TMC2: variants seen among roughly 807,000 people sequenced by gnomAD.
TMC2 encodes transmembrane channel-like protein 2.
In TMC2, 102 loss-of-function variants were observed where a neutral mutation model predicts 105.9. The ratio of observed to expected loss-of-function variants is 0.96; its 90% CI spans 0.82 to 1.14. The LOEUF (loss-of-function observed/expected upper bound fraction) is 1.14. Among genes scored for constraint, TMC2 ranks in the 50% most tolerant of loss-of-function variants. The pLI is 0.00. For synonymous variants in TMC2, 402 were observed against 422.8 expected, an observed-to-expected ratio of 0.95 and a Z score of 0.60; for missense variants, 1,093 against 1,134.3, an observed-to-expected ratio of 0.96 and a Z score of 0.52.
At chr20:2,599,160 C>T (rs1322233896) in intron 10 of TMC2, among the ~76,000 whole-genome samples, 3 of 151,956 alleles carry the variant, frequency 2.0e-5, no homozygotes, top group African/African-American at 4.8e-5. Context: ...CCCAGCTACT[C>T]GGGAGGCTGA....
chr20:2,613,668 G>C (rs1169486774), intron 14 of TMC2: 3 of 332,268 alleles, frequency 9.0e-6, no homozygotes, highest in Non-Finnish European at 1.8e-5. Context: ...GCTGAAATCT[G>C]ACAGTGGAGG....
Position 2,612,195 on chromosome 20 carries a change from C to T in TMC2, c.1598C>T (p.Ala533Val), listed in dbSNP as rs199532232. 7.8e-5 allele frequency: 125 copies of T among 1,602,534 alleles called. No homozygotes were observed. In the Middle Eastern group the frequency reaches 8.3e-4, roughly 11 times the overall value. Reference protein sequence around the residue: ...ALMDDVHLKLANEETIKNITH... With the variant: ...ALMDDVHLKLVNEETIKNITH... The stretch of plus-strand genomic sequence containing the variant: ...CACCTCCATCTTCTGTTCTAGCTTG[C>T]TAATGAAGAGACAATAAAGAACATC... The change falls in exon 13 of 20, where the codon GCT becomes GTT. Residue 533 changes from alanine (A) to valine (V), a missense_variant. Ala to Val is a moderately conservative substitution (Grantham distance 64). Transcript: ENST00000358864.
chr20:2,538,915 C>T (rs1401019888), intron 2 of TMC2, among the ~76,000 whole-genome samples: 1 of 152,184 alleles, frequency 6.6e-6, no homozygotes, highest in Non-Finnish European at 1.5e-5. Context: ...TTATACTCTA[C>T]CAGGAGGGAA....
At chr20:2,562,387 T>A (rs996443526) in intron 4 of TMC2, among the ~76,000 whole-genome samples, 5 of 152,238 alleles carry the variant, frequency 3.3e-5, no homozygotes, top group Non-Finnish European at 7.3e-5. Flanking sequence ...TCTCTCATGT[T>A]CCTGGAGCAC....
chr20:2,566,836 A>G (rs1341220587), intron 4 of TMC2, among the ~76,000 whole-genome samples: 1 of 152,228 alleles, frequency 6.6e-6, no homozygotes, highest in Non-Finnish European at 1.5e-5. Flanking sequence ...CCAAAACTCC[A>G]ATGGAGGCAG....
chr20:2,638,526 G>C (rs988068467), intron 19 of TMC2, among the ~76,000 whole-genome samples: 1 of 151,756 alleles, frequency 6.6e-6, no homozygotes, highest in Non-Finnish European at 1.5e-5. Flanking sequence ...ACAGCCTCAG[G>C]CAGGTCCTTC....
chr20:2,549,470 T>C (rs1193018408), intron 2 of TMC2, among the ~76,000 whole-genome samples: 1 of 152,184 alleles, frequency 6.6e-6, no homozygotes, highest in Non-Finnish European at 1.5e-5. Flanking sequence ...CAGCCAGGCA[T>C]GGTTGCTTAC....
intron 17 of TMC2, among the ~76,000 whole-genome samples, chr20:2,632,461 A>C (rs1269056822): frequency 6.6e-6 from 1 of 152,154 alleles, no homozygotes; most frequent in Non-Finnish European, 1.5e-5. Flanking sequence ...TAACTGATTT[A>C]AAGTCTTTGT....
Position 2,562,802 on chromosome 20 carries a change from C to T in TMC2, c.554+792C>T, listed in dbSNP as rs151313024. ...CTCTACTAAAAAGACAAAAATTAGCCGGGGGTGGTTGCGGGCACCTGTAGT... is the reference window on the plus strand; with the variant it reads ...CTCTACTAAAAAGACAAAAATTAGCTGGGGGTGGTTGCGGGCACCTGTAGT... On this transcript the variant is annotated intron_variant, in intron 4 of 19. Coordinates refer to ENST00000358864, the MANE Select transcript of TMC2 (RefSeq NM_080751.3). Among the ~76,000 whole-genome samples the T allele has an allele frequency of 2.1e-3, 325 of 151,994 alleles. 2 individuals carry two copies. The highest frequency in any genetic ancestry group is 7.3e-3 in the African/African-American group (302 of 41,458).
At chr20:2,539,331 C>T (rs927125110) in intron 2 of TMC2, among the ~76,000 whole-genome samples, 1 of 152,208 alleles carries the variant, frequency 6.6e-6, no homozygotes, top group African/African-American at 2.4e-5. Flanking sequence ...GCTTGTTTTC[C>T]ACATTCCATG....
intron 11 of TMC2, among the ~76,000 whole-genome samples, chr20:2,608,307 T>TTATTAA (rs1421713671): frequency 8.5e-6 from 1 of 117,352 alleles, no homozygotes; most frequent in African/African-American, 5.5e-5. Flanking sequence ...TTATTTATTA[T>TTATTAA]TATTATTATT....
chr20:2,539,917 T>C (rs1156303123), intron 2 of TMC2, among the ~76,000 whole-genome samples: 2 of 151,604 alleles, frequency 1.3e-5, no homozygotes, highest in South Asian at 4.2e-4. Flanking sequence ...ACCTGCTCTA[T>C]GATAAATACA....
At chr20:2,582,470 A>G (rs199946074) in intron 7 of TMC2, among the ~76,000 whole-genome samples, 2 of 152,106 alleles carry the variant, frequency 1.3e-5, no homozygotes, top group African/African-American at 4.8e-5. Context: ...TTTTAAAAAA[A>G]TTATTTATAT....
chr20:2,554,842 T>C (rs917495558), intron 2 of TMC2, among the ~76,000 whole-genome samples: 2 of 152,220 alleles, frequency 1.3e-5, no homozygotes, highest in Non-Finnish European at 2.9e-5. Flanking sequence ...AGGTGTGTTT[T>C]ATGGTCCAGC....
In TMC2 at chr20:2,641,157, C is replaced by A; in HGVS notation, c.2527C>A (p.Gln843Lys). 1 of 1,614,124 alleles carries A rather than the reference C, an allele frequency of 6.2e-7. No individual in the cohort carries two copies. Among genetic ancestry groups the A allele is most frequent in the South Asian group, 1.1e-5 (1 of 91,074 alleles). ...KEETTPPSASQSQAMDKKAQG... is the reference protein window; with the variant it reads ...KEETTPPSASKSQAMDKKAQG... ...AGAGACCACTCCTCCCTCTGCCAGC[C>A]AAAGCCAGGCCATGGACAAGAAGGC... is the stretch of plus-strand genomic sequence containing the variant. Residue 843 changes from glutamine to lysine, a missense_variant, in exon 20 of 20, where the codon CAA (glutamine) becomes AAA (lysine). Transcript: ENST00000358864.
At chr20:2,590,071 G>A (rs1031368592) in intron 7 of TMC2, among the ~76,000 whole-genome samples, 3 of 152,100 alleles carry the variant, frequency 2.0e-5, no homozygotes, top group Non-Finnish European at 4.4e-5. Flanking sequence ...GCAATATTAC[G>A]TAACAGTGAA....
intron 8 of TMC2, 95 bp from the exon 9 acceptor site, chr20:2,594,730 A>T: frequency 5.2e-6 from 7 of 1,356,514 alleles, no homozygotes; most frequent in Non-Finnish European, 7.1e-6. Context: ...TTCGGTTAAG[A>T]CTCTGAGAAA....
At chr20:2,594,540 T>C (rs1287245755) in intron 8 of TMC2, among the ~76,000 whole-genome samples, 1 of 152,146 alleles carries the variant, frequency 6.6e-6, no homozygotes, top group African/African-American at 2.4e-5. Flanking sequence ...CTATCCCTAA[T>C]TTGATCCCAA....
rs1295572725 is a variant in TMC2, at chr20:2,613,317, G to GGA, written c.1868_1869dup (p.Phe624AspfsTer17). The GGA allele has an allele frequency of 1.2e-6, 2 of 1,614,020 alleles. No individual in the cohort carries two copies. Among genetic ancestry groups the GGA allele is most frequent in the Admixed American group, 3.3e-5 (2 of 60,014 alleles). ...CTGCTGGTGCTGGGACTTGGAGGCTGGATTTGTAGGTCACCACTTCATGGA... is the reference window on the plus strand; with the variant it reads ...CTGCTGGTGCTGGGACTTGGAGGCTGGAGATTTGTAGGTCACCACTTCATGGA... On this transcript the variant is annotated frameshift_variant, in exon 14 of 20. Transcript: ENST00000358864. LOFTEE classifies it high-confidence loss of function.
Sources: gnomAD v4.1 joint callset for allele counts (sites outside exome capture counted in the v4.1 genomes callset) on GRCh38, gnomAD v4.1.1 for gene constraint, MANE v1.5 for transcripts, NCBI Gene and HGNC (gene_info 2026-07-23, HGNC 2026-07-21) for gene names.